The following RSPO2 variants were observed in gnomAD, a reference collection of about 807,000 sequenced individuals.
RSPO2 encodes the protein R-spondin 2.
A neutral mutation model predicts 30.9 loss-of-function variants in RSPO2; 14 were observed. That is an observed-to-expected ratio of 0.45 (90% CI 0.30 to 0.71). RSPO2 has a LOEUF of 0.71. RSPO2 is among the 30% of genes least tolerant of loss of function. RSPO2 has a pLI of 0.08. For synonymous variants in RSPO2, 107 were observed against 96.4 expected (o/e 1.11, Z -0.64); for missense variants, 264 against 301.9 (o/e 0.87, Z 0.93).
intron 5 of RSPO2, among the ~76,000 whole-genome samples, chr8:107,945,597 G>A (rs497384): frequency 2.0e-5 from 3 of 151,946 alleles, no homozygotes; most frequent in Non-Finnish European, 2.9e-5. Context: ...CTTTTGCTAC[G>A]TAACACATGC....
At chr8:107,920,457 C>T (rs770030021) in intron 5 of RSPO2, among the ~76,000 whole-genome samples, 3 of 152,048 alleles carry the variant, frequency 2.0e-5, no homozygotes, top group Admixed American at 6.6e-5. Context: ...AAAACATGAT[C>T]CTCTAGGGAA....
intron 2 of RSPO2, chr8:107,989,493 T>G (rs1814774752): frequency 2.4e-6 from 1 of 421,354 alleles, no homozygotes; most frequent in African/African-American, 2.1e-5. Flanking sequence ...GAATGGCTCA[T>G]GGGGATGTCA....
chr8:108,004,923 T>A (rs1323450608), intron 2 of RSPO2, among the ~76,000 whole-genome samples: 1 of 152,190 alleles, frequency 6.6e-6, no homozygotes, highest in Non-Finnish European at 1.5e-5. Context: ...ACAATGTCCT[T>A]TATAGTTCTT....
At chr8:107,934,745 A>G (rs1478587868) in intron 5 of RSPO2, among the ~76,000 whole-genome samples, 1 of 152,158 alleles carries the variant, frequency 6.6e-6, no homozygotes, top group Non-Finnish European at 1.5e-5. Flanking sequence ...AATTATGAAG[A>G]TTTCATGGAC....
rs187172878 is a variant in RSPO2, at chr8:108,016,389, A to G, written c.95-27145T>C. Among the ~76,000 whole-genome samples, 365 of 152,342 alleles carry G rather than the reference A, an allele frequency of 2.4e-3. 2 individuals are homozygous for G. Among genetic ancestry groups the G allele is most frequent in the African/African-American group, 8.0e-3 (331 of 41,586 alleles). ...TAAACGTCTGTGAAGCAGGCTATAA[A>G]GCAGCCAGACTAGACTGCTGCAAGA... On this transcript the variant is annotated intron_variant, in intron 2 of 5. Transcript: ENST00000276659.
At chr8:108,063,315 T>C (rs1207124646) in intron 2 of RSPO2, among the ~76,000 whole-genome samples, 4 of 151,840 alleles carry the variant, frequency 2.6e-5, no homozygotes, top group Non-Finnish European at 5.9e-5. Flanking sequence ...CTGAAGCTGA[T>C]AGGCAACTTC....
intron 5 of RSPO2, among the ~76,000 whole-genome samples, chr8:107,937,879 T>C (rs1272118998): frequency 6.6e-6 from 1 of 152,134 alleles, no homozygotes; most frequent in Non-Finnish European, 1.5e-5. Context: ...TCCCCATCAA[T>C]ATTTTCAGCA....
intron 2 of RSPO2, among the ~76,000 whole-genome samples, chr8:108,057,054 T>C (rs1268276471): frequency 7.0e-5 from 1 of 14,342 alleles, no homozygotes; most frequent in Non-Finnish European, 1.2e-4. Flanking sequence ...AGACTCTGTC[T>C]CAAAAAAAAA....
chr8:107,911,303 C>A (rs1043584133), intron 5 of RSPO2, among the ~76,000 whole-genome samples: 21 of 152,178 alleles, frequency 1.4e-4, no homozygotes, highest in African/African-American at 5.1e-4. Flanking sequence ...GATGCCTGAA[C>A]AGCTCTTGGA....
chr8:107,991,834 G>A (rs1052737886), intron 2 of RSPO2, among the ~76,000 whole-genome samples: 4 of 152,102 alleles, frequency 2.6e-5, no homozygotes, highest in African/African-American at 9.7e-5. Context: ...ATCACAATGA[G>A]ATACCATCTC....
chr8:107,925,944 A>T (rs844510), intron 5 of RSPO2, among the ~76,000 whole-genome samples: 4 of 151,890 alleles, frequency 2.6e-5, no homozygotes, highest in African/African-American at 9.7e-5. Flanking sequence ...TGGGTCAAAT[A>T]GTATTTCTAG....
intron 2 of RSPO2, among the ~76,000 whole-genome samples, chr8:107,999,846 C>G (rs1235105770): frequency 6.6e-6 from 1 of 151,986 alleles, no homozygotes; most frequent in South Asian, 2.1e-4. Context: ...ATTACCAGAA[C>G]TATTAGCCCT....
rs533347994 is a variant in RSPO2, at chr8:108,049,213, G to A, written c.94+33332C>T. On this transcript the variant is annotated intron_variant, in intron 2 of 5. Transcript: ENST00000276659. The stretch of plus-strand genomic sequence containing the variant: ...GTATACCTATGTATCAAACCTGCAC[G>A]TTCTGCACATGTACCCTAGAACTTA... Among the ~76,000 whole-genome samples the A allele has an allele frequency of 4.6e-5, 7 of 151,726 alleles. No individual in the cohort carries two copies. In the East Asian group the frequency reaches 5.9e-4, roughly 13 times the overall value.
chr8:108,082,763 C>T lies in RSPO2; in HGVS notation c.-125G>A. 2 of 709,380 alleles carry T rather than the reference C, an allele frequency of 2.8e-6. No individual in the cohort carries two copies. Among genetic ancestry groups the T allele is most frequent in the Non-Finnish European group, 4.8e-6 (2 of 416,324 alleles). 43.9% of individuals were successfully genotyped at this position (709,380 alleles called of 1,614,324 possible). The stretch of plus-strand genomic sequence containing the variant: ...GGGAGACTCGCCACTCACCCCCGGG[C>T]CGCACCGGTCAGTTCAGCGCGATCA... On this transcript the variant is annotated 5_prime_UTR_variant, in exon 2 of 6. Transcript: ENST00000276659.
intron 3 of RSPO2, among the ~76,000 whole-genome samples, chr8:107,987,647 T>A (rs140085396): frequency 2.0e-5 from 3 of 152,230 alleles, no homozygotes; most frequent in African/African-American, 7.2e-5. Context: ...AACAGAGAAC[T>A]GCATTGCCAA....
At chr8:108,030,547 TG>T (rs767867488) in intron 2 of RSPO2, among the ~76,000 whole-genome samples, 1 of 152,220 alleles carries the variant, frequency 6.6e-6, no homozygotes, top group Non-Finnish European at 1.5e-5. Flanking sequence ...CAGAAATTAC[TG>T]GGGAAATTAA....
At chr8:107,942,533 C>A (rs1371997386) in intron 5 of RSPO2, among the ~76,000 whole-genome samples, 1 of 152,072 alleles carries the variant, frequency 6.6e-6, no homozygotes, top group East Asian at 1.9e-4. Flanking sequence ...CCTGAAATAG[C>A]ACTAGAAAGT....
chr8:107,955,278 TCC>T (rs148216313), intron 5 of RSPO2, among the ~76,000 whole-genome samples: 2 of 151,694 alleles, frequency 1.3e-5, no homozygotes, highest in Non-Finnish European at 2.9e-5. Flanking sequence ...AGATCACCTA[TCC>T]CCCCCTAAAT....
intron 2 of RSPO2, among the ~76,000 whole-genome samples, chr8:108,082,115 G>A (rs1813217887): frequency 6.6e-6 from 1 of 152,082 alleles, no homozygotes; most frequent in Admixed American, 6.5e-5. Context: ...GGTTTGGGGC[G>A]CACGTGGATG....
Sources: gnomAD v4.1 joint callset for allele counts (sites outside exome capture counted in the v4.1 genomes callset) on GRCh38, gnomAD v4.1.1 for gene constraint, MANE v1.5 for transcripts, NCBI Gene and HGNC (gene_info 2026-07-23, HGNC 2026-07-21) for gene names.